Variants in CMTM8 observed in about 807,000 individuals in gnomAD.
The protein encoded by CMTM8 is CKLF like MARVEL transmembrane domain containing 8.
CMTM8 carries 12 observed loss-of-function variants against 18.6 expected under a neutral mutation model. The observed-to-expected ratio is 0.65, with a 90% CI of 0.41 to 1.05. CMTM8 has a LOEUF of 1.05. CMTM8 is among the 50% of genes least tolerant of loss of function. CMTM8 has a pLI of 0.00. For missense variants in CMTM8, 217 were observed against 227.2 expected, an observed-to-expected ratio of 0.95 and a Z score of 0.29; for synonymous variants, 87 against 90.6, an observed-to-expected ratio of 0.96 and a Z score of 0.23.
Position 32,367,954 on chromosome 3 carries a change from A to T in CMTM8, c.404A>T (p.Asp135Val), listed in dbSNP as rs777228716. The T allele has an allele frequency of 2.5e-6, 4 of 1,613,960 alleles. No individual in the cohort carries two copies. In the African/African-American group the frequency reaches 4.0e-5, roughly 16 times the overall value. The part of the protein sequence containing the change: ...VDASSVSPER[D>V]SHNFNSWAAS... ...GCATCTTCCGTCTCCCCTGAGAGGG[A>T]CAGTCACAACTTCAACAGCTGGGCG... Residue 135 changes from aspartate (D) to valine (V), a missense_variant, in exon 3 of 4, where the codon GAC becomes GTC. Transcript: ENST00000307526.
intron 1 of CMTM8, among the ~76,000 whole-genome samples, chr3:32,243,428 G>A (rs1475403599): frequency 6.6e-6 from 1 of 151,538 alleles, no homozygotes; most frequent in African/African-American, 2.4e-5. Flanking sequence ...CTACTCGGGA[G>A]GCTGAGGCAG....
intron 1 of CMTM8, among the ~76,000 whole-genome samples, chr3:32,317,083 A>G (rs943242338): frequency 6.6e-6 from 1 of 152,184 alleles, no homozygotes; most frequent in Non-Finnish European, 1.5e-5. Flanking sequence ...GGTGAAGTGC[A>G]TCTGAAATCT....
intron 1 of CMTM8, among the ~76,000 whole-genome samples, chr3:32,287,318 A>C (rs542166925): frequency 1.3e-4 from 20 of 152,270 alleles, no homozygotes; most frequent in African/African-American, 4.6e-4. Flanking sequence ...TTTTGTCTTC[A>C]TAAGAATTAA....
chr3:32,318,531 C>T (rs944234191), intron 1 of CMTM8, among the ~76,000 whole-genome samples: 25 of 151,458 alleles, frequency 1.7e-4, no homozygotes, highest in African/African-American at 5.6e-4. Flanking sequence ...AATAAAATCA[C>T]ATCTGCCCAC....
intron 1 of CMTM8, among the ~76,000 whole-genome samples, chr3:32,286,904 G>A (rs1702696891): frequency 6.6e-6 from 1 of 152,244 alleles, no homozygotes; most frequent in African/African-American, 2.4e-5. Context: ...TTGTCCAGGT[G>A]CACTTGTCTG....
rs1465796747 is a variant in CMTM8, at chr3:32,367,957, G to A, written c.407G>A (p.Ser136Asn). The A allele has an allele frequency of 1.2e-6, 2 of 1,613,820 alleles. No homozygotes were observed. The highest frequency in any genetic ancestry group is 2.2e-5 in the East Asian group (1 of 44,894). Residue 136 changes from serine (S) to asparagine (N), a missense_variant, in exon 3 of 4, where the codon AGT becomes AAT. Ser to Asn is a conservative substitution (Grantham distance 46). Coordinates refer to ENST00000307526, the MANE Select transcript of CMTM8 (RefSeq NM_178868.5). ...DASSVSPERD[S>N]HNFNSWAASS... ...TCTTCCGTCTCCCCTGAGAGGGACA[G>A]TCACAACTTCAACAGCTGGGCGGCC...
chr3:32,326,349 G>C (rs533906591), intron 1 of CMTM8, among the ~76,000 whole-genome samples: 1 of 152,120 alleles, frequency 6.6e-6, no homozygotes, highest in East Asian at 1.9e-4. Flanking sequence ...GAGCACTCCA[G>C]GGTGGCCCCA....
chr3:32,296,736 T>C (rs997544778), intron 1 of CMTM8, among the ~76,000 whole-genome samples: 2 of 152,238 alleles, frequency 1.3e-5, no homozygotes, highest in African/African-American at 4.8e-5. Context: ...TTGCATTAGA[T>C]GTTCCATCCA....
intron 1 of CMTM8, among the ~76,000 whole-genome samples, chr3:32,342,120 C>T (rs547578788): frequency 9.3e-4 from 139 of 149,888 alleles, no homozygotes; most frequent in Non-Finnish European, 1.4e-3. Context: ...TGGTGGCATG[C>T]GCTTGTAATC....
intron 1 of CMTM8, among the ~76,000 whole-genome samples, chr3:32,336,420 C>G (rs567694915): frequency 6.6e-6 from 1 of 152,338 alleles, no homozygotes; most frequent in South Asian, 2.1e-4. Flanking sequence ...GGCTCTGTAG[C>G]AGAAAAGAGT....
rs546361407 is a variant in CMTM8 at position 32,259,370 on chromosome 3, G to T, written c.147+20251G>T. 4.4e-4 allele frequency: 354 copies of T among 800,608 alleles called. 4 individuals carry two copies. Among genetic ancestry groups the T allele is most frequent in the South Asian group, 3.5e-3 (260 of 75,314 alleles). The allele number at this position is 800,608 out of a possible 1,614,324, so 49.6% of individuals were successfully genotyped here. ...GAGGGCTCAGGTCTTCTCAAATACTGTGGACAATGCCCGCATTGTTCTGCA... is the reference window on the plus strand; with the variant it reads ...GAGGGCTCAGGTCTTCTCAAATACTTTGGACAATGCCCGCATTGTTCTGCA... On this transcript the variant is annotated intron_variant, in intron 1 of 3. Transcript: ENST00000307526.
chr3:32,245,357 T>C (rs1389593423), intron 1 of CMTM8, among the ~76,000 whole-genome samples: 1 of 152,212 alleles, frequency 6.6e-6, no homozygotes, highest in African/African-American at 2.4e-5. Flanking sequence ...GGGTGAGTGG[T>C]AGTAGCTGTA....
chr3:32,362,046 C>CTTTTCTTTTTTTT (rs1553608240), intron 2 of CMTM8, among the ~76,000 whole-genome samples: 6 of 92,068 alleles, frequency 6.5e-5, no homozygotes, highest in Admixed American at 1.5e-4. Flanking sequence ...ATTTTCTTTT[C>CTTTTCTTTTTTTT]TTTTTTTTTT....
In CMTM8 at chr3:32,269,338, C is replaced by T. The variant is rs147266596; in HGVS notation, c.147+30219C>T. On this transcript the variant is annotated intron_variant, in intron 1 of 3. Coordinates refer to ENST00000307526, the MANE Select transcript of CMTM8 (RefSeq NM_178868.5). The stretch of plus-strand genomic sequence containing the variant: ...ACAGGTATATTTAATATTCTACTAG[C>T]TTATACTTTGGAAATTATGTCTAAG... Among the ~76,000 whole-genome samples the T allele has an allele frequency of 5.9e-5, 9 of 152,286 alleles. No homozygotes were observed. In the East Asian group the frequency reaches 1.7e-3, roughly 29 times the overall value.
chr3:32,334,577 G>C (rs996138776), intron 1 of CMTM8, among the ~76,000 whole-genome samples: 1 of 151,714 alleles, frequency 6.6e-6, no homozygotes, highest in African/African-American at 2.4e-5. Flanking sequence ...CTGCACTCCA[G>C]CCTGGGCGAC....
chr3:32,268,968 C>A (rs1702393709), intron 1 of CMTM8, among the ~76,000 whole-genome samples: 1 of 152,158 alleles, frequency 6.6e-6, no homozygotes, highest in Non-Finnish European at 1.5e-5. Context: ...CCAGAAAGGG[C>A]TTCAGGTAGG....
At chr3:32,353,013 G>A (rs1696743454) in intron 1 of CMTM8, among the ~76,000 whole-genome samples, 2 of 152,090 alleles carry the variant, frequency 1.3e-5, no homozygotes, top group East Asian at 1.9e-4. Flanking sequence ...ACAGAGTCTC[G>A]CTCTGCACCC....
At chr3:32,272,143 A>T (rs1358278254) in intron 1 of CMTM8, among the ~76,000 whole-genome samples, 1 of 152,214 alleles carries the variant, frequency 6.6e-6, no homozygotes, top group Non-Finnish European at 1.5e-5. Context: ...TGAAAGTATC[A>T]TTCTTCTATC....
At chr3:32,266,354 C>T (rs1485643072) in intron 1 of CMTM8, among the ~76,000 whole-genome samples, 1 of 152,086 alleles carries the variant, frequency 6.6e-6, no homozygotes, top group African/African-American at 2.4e-5. Context: ...TGACAAAAAC[C>T]ACATGATTAT....
Sources: gnomAD v4.1 joint callset for allele counts (sites outside exome capture counted in the v4.1 genomes callset) on GRCh38, gnomAD v4.1.1 for gene constraint, MANE v1.5 for transcripts, NCBI Gene and HGNC (gene_info 2026-07-23, HGNC 2026-07-21) for gene names.